The following RHOBTB1 variants were observed in gnomAD, a reference collection of about 807,000 sequenced individuals.
RHOBTB1 encodes Rho related BTB domain containing 1.
A neutral mutation model predicts 71.6 loss-of-function variants in RHOBTB1; 40 were observed. The observed-to-expected ratio is 0.56, with a 90% CI of 0.43 to 0.73. The LOEUF is 0.73. Ranked by LOEUF, RHOBTB1 falls within the 30% of genes least tolerant of loss-of-function variation. RHOBTB1 has a pLI of 0.00. For missense variants in RHOBTB1, 797 were observed against 894.0 expected (o/e 0.89, Z 1.38); for synonymous variants, 319 against 334.9 (o/e 0.95, Z 0.52).
downstream of RHOBTB1, among the ~76,000 whole-genome samples, chr10:60,868,037 C>T (rs1384431700): frequency 6.6e-6 from 1 of 151,952 alleles, no homozygotes; most frequent in Non-Finnish European, 1.5e-5. Context: ...TCTTCAGTGG[C>T]CCTTTCCCTC....
At chr10:60,865,274 G>A (rs930028291), downstream of RHOBTB1, among the ~76,000 whole-genome samples, 31 of 152,300 alleles carry the variant, frequency 2.0e-4, no homozygotes, top group Middle Eastern at 3.4e-3. Flanking sequence ...GATTTCATAT[G>A]TAAAATAAAA....
At chr10:60,964,259 A>C (rs1226536253) in intron 2 of RHOBTB1, among the ~76,000 whole-genome samples, 1 of 152,120 alleles carries the variant, frequency 6.6e-6, no homozygotes. Flanking sequence ...TTGTGAGGTG[A>C]ATTAGCAAAG....
intron 8 of RHOBTB1, among the ~76,000 whole-genome samples, chr10:60,876,727 C>G (rs1165439479): frequency 6.6e-6 from 1 of 152,092 alleles, no homozygotes; most frequent in East Asian, 1.9e-4. Flanking sequence ...AAAAATAAAT[C>G]TAATATTGAT....
chr10:60,942,637 T>C (rs1223398642), intron 1 of RHOBTB1, among the ~76,000 whole-genome samples: 1 of 152,226 alleles, frequency 6.6e-6, no homozygotes, highest in Non-Finnish European at 1.5e-5. Flanking sequence ...GAAAAGAGCT[T>C]GTGTTTATTT....
intron 2 of RHOBTB1, among the ~76,000 whole-genome samples, chr10:60,930,628 A>C (rs1004527678): frequency 1.3e-5 from 2 of 152,186 alleles, no homozygotes; most frequent in Non-Finnish European, 2.9e-5. Context: ...GAAAGCTGTG[A>C]ACCATGTAGC....
rs1043963546 is a variant in RHOBTB1 at position 60,888,274 on chromosome 10, T to G, written c.1394A>C (p.Lys465Thr). ...KEAFMNQEIT[K>T]AFHVRKANRI... The stretch of plus-strand genomic sequence containing the variant: ...ATTGGCTTTCCTTACGTGAAAGGCT[T>G]TCGTAATCTCCTGGTTCATGAAGGC... Residue 465 changes from lysine (K) to threonine (T), a missense_variant, in exon 6 of 11, where the codon AAA (lysine) becomes ACA (threonine). Lys to Thr is a moderately conservative substitution (Grantham distance 78). Around this residue, in one of 2 missense-constraint regions of RHOBTB1, gnomAD observed 658 missense variants for 681.5 expected, o/e 0.97. Transcript: ENST00000337910. The G allele has an allele frequency of 6.2e-6, 10 of 1,613,968 alleles. No homozygotes were observed. The highest frequency in any genetic ancestry group is 1.7e-5 in the Admixed American group (1 of 60,000).
intron 2 of RHOBTB1, among the ~76,000 whole-genome samples, chr10:60,919,885 GCTGTT>G (rs2083462493): frequency 6.6e-6 from 1 of 152,086 alleles, no homozygotes; most frequent in Admixed American, 6.5e-5. Flanking sequence ...TACCTTATGT[GCTGTT>G]CTTAATAAAC....
intron 2 of RHOBTB1, among the ~76,000 whole-genome samples, chr10:60,935,621 C>A (rs1030484147): frequency 2.8e-4 from 42 of 151,928 alleles, no homozygotes; most frequent in African/African-American, 9.2e-4. Context: ...AGAAGCCAGC[C>A]CCTACTAGCC....
intron 2 of RHOBTB1, among the ~76,000 whole-genome samples, chr10:60,983,517 A>G (rs1299311499): frequency 6.6e-6 from 1 of 152,046 alleles, no homozygotes; most frequent in African/African-American, 2.4e-5. Flanking sequence ...TTAGGATATC[A>G]TTTCTTTCTT....
At chr10:60,942,491 C>T (rs1368458177) in intron 1 of RHOBTB1, among the ~76,000 whole-genome samples, 5 of 152,166 alleles carry the variant, frequency 3.3e-5, no homozygotes, top group Non-Finnish European at 7.3e-5. Context: ...GCCTTCTGCA[C>T]TAGGATCAAC....
chr10:60,926,711 G>T (rs143010264), intron 2 of RHOBTB1, among the ~76,000 whole-genome samples: 9 of 152,278 alleles, frequency 5.9e-5, no homozygotes, highest in African/African-American at 2.2e-4. Context: ...AAAAACCTGG[G>T]TATGGAAGGA....
chr10:60,862,612 T>TTTCC, the RHOBTB1 span, among the ~76,000 whole-genome samples: 3 of 150,520 alleles, frequency 2.0e-5, no homozygotes, highest in South Asian at 2.1e-4. Flanking sequence ...TCTCCTTCCC[T>TTTCC]TTCCTTCCTT....
At chr10:60,867,545 T>C (rs2080640963), downstream of RHOBTB1, among the ~76,000 whole-genome samples, 1 of 152,258 alleles carries the variant, frequency 6.6e-6, no homozygotes, top group Non-Finnish European at 1.5e-5. Context: ...TGTTGATAAT[T>C]CTTTCACGTC....
chr10:60,925,523 A>G (rs2083819961), intron 2 of RHOBTB1, among the ~76,000 whole-genome samples: 1 of 152,178 alleles, frequency 6.6e-6, no homozygotes, highest in Admixed American at 6.5e-5. Context: ...ATCGTAAAGA[A>G]CTAGAAAAGC....
chr10:60,887,937 C>T (rs905166655), intron 6 of RHOBTB1, among the ~76,000 whole-genome samples: 5 of 152,128 alleles, frequency 3.3e-5, no homozygotes, highest in Non-Finnish European at 7.4e-5. Flanking sequence ...GGTTCAAATC[C>T]TGGCTCTACC....
chr10:61,001,630 C>T (rs773603914), upstream of RHOBTB1, among the ~76,000 whole-genome samples: 98 of 152,026 alleles, frequency 6.4e-4, no homozygotes, highest in Non-Finnish European at 1.2e-3. Flanking sequence ...ACGGGTCCCT[C>T]CACATCCTCG....
chr10:60,885,641 C>T (rs549356115), intron 7 of RHOBTB1, among the ~76,000 whole-genome samples: 38 of 152,256 alleles, frequency 2.5e-4, no homozygotes, highest in Middle Eastern at 3.4e-3. Context: ...CACAGGAATG[C>T]GGCTTCTCAA....
chr10:60,995,482 T>A (rs2087017008), intron 1 of RHOBTB1, among the ~76,000 whole-genome samples: 1 of 152,194 alleles, frequency 6.6e-6, no homozygotes, highest in South Asian at 2.1e-4. Context: ...TTATCTCTGA[T>A]AACCTCATTT....
At chr10:60,921,680 T>C (rs1400091033) in intron 2 of RHOBTB1, among the ~76,000 whole-genome samples, 1 of 152,180 alleles carries the variant, frequency 6.6e-6, no homozygotes, top group Non-Finnish European at 1.5e-5. Flanking sequence ...ATACAGCCAC[T>C]CCACCTTTCT....
Sources: gnomAD v4.1 joint callset for allele counts (sites outside exome capture counted in the v4.1 genomes callset) on GRCh38, gnomAD v4.1.1 for gene constraint, gnomAD v4.1.1 regional missense constraint, MANE v1.5 for transcripts, NCBI Gene and HGNC (gene_info 2026-07-23, HGNC 2026-07-21) for gene names.